The following ZNF653 variants were observed in gnomAD, a reference collection of about 807,000 sequenced individuals.
The protein encoded by ZNF653 is zinc finger protein 653.
In ZNF653, 37 loss-of-function variants were observed where a neutral mutation model predicts 59.9. The observed-to-expected ratio is 0.62, with a 90% CI of 0.48 to 0.81. The LOEUF (loss-of-function observed/expected upper bound fraction) is 0.81. Ranked by LOEUF, ZNF653 falls within the 40% of genes least tolerant of loss-of-function variation. The pLI, the probability that ZNF653 is intolerant of heterozygous loss-of-function variation, is 0.00. For missense variants in ZNF653, 808 were observed against 881.1 expected, an observed-to-expected ratio of 0.92 and a Z score of 1.05; for synonymous variants, 435 against 371.8, an observed-to-expected ratio of 1.17 and a Z score of -1.96.
chr19:11,498,095 T>C lies in ZNF653; in HGVS notation c.343+201A>G, dbSNP rs1442144340. On this transcript the variant is annotated intron_variant, in intron 2 of 8. Coordinates refer to ENST00000293771, the MANE Select transcript of ZNF653 (RefSeq NM_138783.4). ...TCTGCTCGGCTCTCCCCTGGCTGAC[T>C]CCCATGCCGGGAGCAAGAGAATGAG... Among the ~76,000 whole-genome samples the C allele has an allele frequency of 5.9e-5, 9 of 152,138 alleles. No individual in the cohort carries two copies. In the South Asian group the frequency reaches 1.4e-3, roughly 24 times the overall value.
chr19:11,489,144 T>C (rs1971504297), intron 3 of ZNF653, among the ~76,000 whole-genome samples: 1 of 151,108 alleles, frequency 6.6e-6, no homozygotes, highest in African/African-American at 2.4e-5. Context: ...GGGTGATCCA[T>C]CCACCTCGGC....
At position 11,483,770 on chromosome 19, in the gene ZNF653, G is replaced by A. The variant is rs761390361; in HGVS notation, c.1760C>T (p.Thr587Met). The change falls in exon 9 of 9, where the codon ACG (threonine) becomes ATG (methionine). Residue 587 changes from threonine (T) to methionine (M), a missense_variant. Coordinates refer to ENST00000293771, the MANE Select transcript of ZNF653 (RefSeq NM_138783.4). ...KHTAEVQYNF[T>M]CDRCGKRFEK... is the part of the protein sequence containing the mutation. ...GAAGCGCTTCCCGCAGCGATCGCACGTGAAGTTGTACTGCACCTCCGCAGT... is the reference window on the plus strand; with the variant it reads ...GAAGCGCTTCCCGCAGCGATCGCACATGAAGTTGTACTGCACCTCCGCAGT... 6.2e-6 allele frequency: 10 copies of A among 1,613,518 alleles called. No individual in the cohort carries two copies. The highest frequency in any genetic ancestry group is 8.5e-6 in the Non-Finnish European group (10 of 1,179,648).
Position 11,486,849 on chromosome 19 carries a change from C to A in ZNF653, c.1375G>T (p.Asp459Tyr). 1 of 1,611,740 alleles carries A rather than the reference C, an allele frequency of 6.2e-7. No individual in the cohort carries two copies. Among genetic ancestry groups the A allele is most frequent in the Non-Finnish European group, 8.5e-7 (1 of 1,178,990 alleles). ...RRRSKRSRVM[D>Y]ADGLLEMFHC... ...AACATCTCGAGCAGGCCGTCAGCAT[C>A]CATCACCCGCGACCGCTTGCTCCGC... is the stretch of plus-strand genomic sequence containing the variant. The change falls in exon 6 of 9, where the codon GAT (aspartate) becomes TAT (tyrosine). Residue 459 changes from aspartate (D) to tyrosine (Y), a missense_variant. Coordinates refer to ENST00000293771, the MANE Select transcript of ZNF653 (RefSeq NM_138783.4).
Position 11,495,619 on chromosome 19 carries a change from G to A in ZNF653, c.559+331C>T, listed in dbSNP as rs976013678. The A allele has an allele frequency of 1.3e-5, 5 of 375,800 alleles. No homozygotes were observed. The highest frequency in any genetic ancestry group is 1.0e-4 in the African/African-American group (5 of 48,314). The allele number at this position is 375,800 out of a possible 1,614,324, so 23.3% of individuals were successfully genotyped here. Reference sequence around the variant, plus strand: ...AGGCGGCCGTTTCGCTGTGGGGGCCGAGCCCTGCCCCAGCAGGCCTGCCCC... The same window carrying A: ...AGGCGGCCGTTTCGCTGTGGGGGCCAAGCCCTGCCCCAGCAGGCCTGCCCC... On this transcript the variant is annotated intron_variant, in intron 3 of 8. Transcript: ENST00000293771. This position sits in a 1 kb window ranked among gnomAD's most constrained non-coding sequence, Gnocchi z 4.9.
At chr19:11,502,688 A>G (rs1971659506) in intron 1 of ZNF653, among the ~76,000 whole-genome samples, 1 of 152,224 alleles carries the variant, frequency 6.6e-6, no homozygotes, top group South Asian at 2.1e-4. Flanking sequence ...CAAATAAATA[A>G]GGAAATAAAA....
chr19:11,505,737 CCCGCCTCAGCCT>C lies in ZNF653; in HGVS notation c.38_49del (p.Glu13_Ala16del). ...CTCGGCTGCTGCCTCCCCGCCCGCG[CCCGCCTCAGCCT>C]CCGCCTCCGCCTCGGGCTCTAGCGC... On this transcript the variant is annotated inframe_deletion, in exon 1 of 9. Transcript: ENST00000293771. 6.9e-7 allele frequency: 1 copy of C among 1,447,308 alleles called. No individual in the cohort carries two copies. The highest frequency in any genetic ancestry group is 9.0e-7 in the Non-Finnish European group (1 of 1,110,220). The allele number at this position is 1,447,308 out of a possible 1,614,324, so 89.7% of individuals were successfully genotyped here. A position where few individuals can be genotyped will look rare whatever the true frequency, so the allele number is the denominator to read the frequency against.
intron 3 of ZNF653, among the ~76,000 whole-genome samples, chr19:11,490,001 C>T (rs911455152): frequency 1.3e-5 from 2 of 152,168 alleles, no homozygotes; most frequent in African/African-American, 4.8e-5. Flanking sequence ...CTGACATTAT[C>T]TTCCCGGAGT....
At chr19:11,489,044 C>T (rs537919654) in intron 3 of ZNF653, among the ~76,000 whole-genome samples, 1 of 149,646 alleles carries the variant, frequency 6.7e-6, no homozygotes, top group Non-Finnish European at 1.5e-5. Context: ...GGATTACAGG[C>T]GTGCACCACC....
At chr19:11,489,647 G>A (rs952175124) in intron 3 of ZNF653, among the ~76,000 whole-genome samples, 26 of 152,170 alleles carry the variant, frequency 1.7e-4, no homozygotes, top group African/African-American at 5.6e-4. Context: ...GTTGGTATTT[G>A]TTGAGGGCTC....
intron 1 of ZNF653, chr19:11,504,939 G>A (rs1270836511): frequency 2.0e-5 from 3 of 152,696 alleles, no homozygotes; most frequent in Non-Finnish European, 2.9e-5. Flanking sequence ...CCTGGGCTGA[G>A]TTGCTTCACA....
chr19:11,486,394 G>A (rs1971465909), intron 6 of ZNF653, among the ~76,000 whole-genome samples: 1 of 152,208 alleles, frequency 6.6e-6, no homozygotes, highest in East Asian at 1.9e-4. Flanking sequence ...TTTGGCCAAG[G>A]TCTCACAGGT....
chr19:11,501,001 A>G (rs552845795), intron 1 of ZNF653, among the ~76,000 whole-genome samples: 14 of 152,068 alleles, frequency 9.2e-5, no homozygotes, highest in Non-Finnish European at 1.6e-4. Context: ...AGCAGAGGCC[A>G]CTGGCATCAA....
At chr19:11,488,905 C>CTT (rs944651834) in intron 3 of ZNF653, among the ~76,000 whole-genome samples, 1 of 137,438 alleles carries the variant, frequency 7.3e-6, no homozygotes, top group Non-Finnish European at 1.6e-5. Context: ...CTGAGTTTTT[C>CTT]TTTTTTTTTT....
Position 11,487,081 on chromosome 19 carries a change from C to T in ZNF653, c.1249G>A (p.Glu417Lys), listed in dbSNP as rs1344912460. 7 of 1,613,992 alleles carry T rather than the reference C, an allele frequency of 4.3e-6. No individual in the cohort carries two copies. The highest frequency in any genetic ancestry group is 1.3e-5 in the African/African-American group (1 of 74,956). The stretch of plus-strand genomic sequence containing the variant: ...GCCTCTGCCTCAGGCTCTGCGCTCT[C>T]AGGCACCGTTGTTGCCAGCTCCGGG... ...VAPELATTVP[E>K]SAEPEAEADG... is the part of the protein sequence containing the mutation. The change falls in exon 5 of 9, where the codon GAG becomes AAG. Residue 417 changes from glutamate (E) to lysine (K), a missense_variant. Transcript: ENST00000293771. This position sits in a 1 kb window ranked among gnomAD's most constrained non-coding sequence, Gnocchi z 5.1.
chr19:11,494,426 C>T (rs1278508076), intron 3 of ZNF653, among the ~76,000 whole-genome samples: 2 of 152,138 alleles, frequency 1.3e-5, no homozygotes, highest in African/African-American at 4.8e-5. Context: ...TGCAGTGGCT[C>T]ACGCCTGTAA....
chr19:11,483,628 C>T lies in ZNF653; in HGVS notation c.*54G>A, dbSNP rs1971430904. ...GCAGCTGTCCAGGCCCCGGCAAGCCCGGGCGTGGTGTCCGAGCGGACGAAT... is the reference window on the plus strand; with the variant it reads ...GCAGCTGTCCAGGCCCCGGCAAGCCTGGGCGTGGTGTCCGAGCGGACGAAT... On this transcript the variant is annotated 3_prime_UTR_variant, in exon 9 of 9. Transcript: ENST00000293771. 2.5e-6 allele frequency: 4 copies of T among 1,582,110 alleles called. No individual in the cohort carries two copies. Among genetic ancestry groups the T allele is most frequent in the African/African-American group, 2.7e-5 (2 of 74,242 alleles).
rs530807484 is a variant in ZNF653 at position 11,499,383 on chromosome 19, G to T, written c.300-1044C>A. On this transcript the variant is annotated intron_variant, in intron 1 of 8. Coordinates refer to ENST00000293771, the MANE Select transcript of ZNF653 (RefSeq NM_138783.4). ...TAGGTGACTGTGAGTTAATCAAACG[G>T]GAACATATCTTGTAGGGCACAGTGG... Among the ~76,000 whole-genome samples the T allele has an allele frequency of 5.9e-5, 9 of 152,086 alleles. 1 individual carries two copies. Among genetic ancestry groups the T allele is most frequent in the Non-Finnish European group, 1.0e-4 (7 of 68,026 alleles).
chr19:11,486,887 G>A lies in ZNF653; in HGVS notation c.1344-7C>T, dbSNP rs1319370427. 3 of 1,611,066 alleles carry A rather than the reference G, an allele frequency of 1.9e-6. No homozygotes were observed. The highest frequency in any genetic ancestry group is 2.2e-5 in the East Asian group (1 of 44,584). On this transcript the variant is annotated splice_polypyrimidine_tract_variant and splice_region_variant and intron_variant, in intron 5 of 8. Coordinates refer to ENST00000293771, the MANE Select transcript of ZNF653 (RefSeq NM_138783.4). ...CCGCTTGCTCCGCCGCCTCCTGGAGGGGAAGGGGCCATGACATCGGGGCTC... is the reference window on the plus strand; with the variant it reads ...CCGCTTGCTCCGCCGCCTCCTGGAGAGGAAGGGGCCATGACATCGGGGCTC...
chr19:11,490,511 T>G (rs1263126871), intron 3 of ZNF653, among the ~76,000 whole-genome samples: 1 of 151,924 alleles, frequency 6.6e-6, no homozygotes, highest in South Asian at 2.1e-4. Flanking sequence ...CTCAGCCTCC[T>G]GAGTAGCTGG....
Sources: allele counts gnomAD v4.1 joint callset (sites outside exome capture counted in the v4.1 genomes callset), GRCh38; gene constraint gnomAD v4.1.1; non-coding constraint Gnocchi (gnomAD v3.1); transcripts MANE v1.5; gene names NCBI Gene and HGNC (gene_info 2026-07-23, HGNC 2026-07-21).